Variants in RHOD observed in about 807,000 individuals in gnomAD.
RHOD encodes rho-related GTP-binding protein RhoD.
In RHOD, 11 loss-of-function variants were observed where a neutral mutation model predicts 16.7. That is an observed-to-expected ratio of 0.66 (90% CI 0.41 to 1.09). RHOD has a LOEUF of 1.09. Among genes scored for constraint, RHOD ranks in the 50% least tolerant of loss-of-function variants. The pLI is 0.00. For synonymous variants in RHOD, 124 were observed against 126.3 expected, an observed-to-expected ratio of 0.98 and a Z score of 0.12; for missense variants, 271 against 291.7, an observed-to-expected ratio of 0.93 and a Z score of 0.52.
At chr11:67,059,374 T>G (rs554425583) in intron 1 of RHOD, among the ~76,000 whole-genome samples, 2 of 152,102 alleles carry the variant, frequency 1.3e-5, no homozygotes, top group Admixed American at 1.3e-4. Context: ...ACCCCATGTC[T>G]ACCGAAAATA....
At chr11:67,060,170 G>A (rs1459296553) in intron 1 of RHOD, among the ~76,000 whole-genome samples, 3 of 152,236 alleles carry the variant, frequency 2.0e-5, no homozygotes, top group African/African-American at 4.8e-5. Flanking sequence ...AGCCCCCTGG[G>A]TCCTTCCTGG....
chr11:67,066,028 C>G, intron 2 of RHOD, 45 bp downstream of exon 2: 1 of 1,372,334 alleles, frequency 7.3e-7, no homozygotes, highest in Non-Finnish European at 1.0e-6. Context: ...CTTCTGTGGG[C>G]CCCTGATGCC....
At chr11:67,065,372 C>A (rs1052612801) in intron 1 of RHOD, among the ~76,000 whole-genome samples, 3 of 152,012 alleles carry the variant, frequency 2.0e-5, no homozygotes, top group Admixed American at 1.3e-4. Context: ...GCACACCCGG[C>A]CTTTTCGTTG....
chr11:67,066,823 C>A lies in RHOD; in HGVS notation c.306C>A (p.Asn102Lys). ...TTTGCTTCGATGTCACCAGCCCGAACAGCTTTGACAACATCTTTAACCGGG... is the reference window on the plus strand; with the variant it reads ...TTTGCTTCGATGTCACCAGCCCGAAAAGCTTTGACAACATCTTTAACCGGG... ...LLLCFDVTSP[N>K]SFDNIFNRWY... Residue 102 changes from asparagine to lysine, a missense_variant, in exon 3 of 5, where the codon AAC becomes AAA. Transcript: ENST00000308831. 1 of 1,613,274 alleles carries A rather than the reference C, an allele frequency of 6.2e-7. No individual in the cohort carries two copies. Among genetic ancestry groups the A allele is most frequent in the South Asian group, 1.1e-5 (1 of 91,062 alleles).
At chr11:67,069,951 A>G (rs950300625) in intron 3 of RHOD, among the ~76,000 whole-genome samples, 1 of 152,124 alleles carries the variant, frequency 6.6e-6, no homozygotes, top group East Asian at 1.9e-4. Flanking sequence ...TCAGGCTCCC[A>G]AAGTGCTGGG....
chr11:67,059,955 C>T (rs1854866661), intron 1 of RHOD, among the ~76,000 whole-genome samples: 1 of 152,252 alleles, frequency 6.6e-6, no homozygotes, highest in Admixed American at 6.5e-5. Context: ...CTGGCTGTGA[C>T]CCAACCCTGG....
chr11:67,061,820 ATGTGTGTGTGTG>A (rs372226128), intron 1 of RHOD, among the ~76,000 whole-genome samples: 3 of 127,068 alleles, frequency 2.4e-5, no homozygotes, highest in Non-Finnish European at 4.9e-5. Context: ...GTATATATAT[ATGTGTGTGTGTG>A]TGTGTGTGTG....
At chr11:67,067,724 G>A (rs529496252) in intron 3 of RHOD, among the ~76,000 whole-genome samples, 3 of 152,284 alleles carry the variant, frequency 2.0e-5, no homozygotes, top group East Asian at 3.9e-4. Context: ...TTCTGAATCG[G>A]TCTAGAAGGC....
intron 3 of RHOD, among the ~76,000 whole-genome samples, chr11:67,068,041 C>T (rs182969814): frequency 8.3e-4 from 127 of 152,258 alleles, no homozygotes; most frequent in African/African-American, 2.9e-3. Context: ...CCTCGTGATC[C>T]GCCCGCCTCG....
Position 67,070,432 on chromosome 11 carries a change from C to T in RHOD, c.338C>T (p.Pro113Leu). The T allele has an allele frequency of 6.2e-7, 1 of 1,613,990 alleles. No homozygotes were observed. The highest frequency in any genetic ancestry group is 8.5e-7 in the Non-Finnish European group (1 of 1,179,976). Residue 113 changes from proline (P) to leucine (L), a missense_variant, in exon 4 of 5, where the codon CCA becomes CTA. Pro to Leu is a moderately conservative substitution (Grantham distance 98). Transcript: ENST00000308831. ...CCCCTCGCCCCCCTGCAGTGGTACCCAGAAGTGAATCATTTCTGCAAGAAG... is the reference window on the plus strand; with the variant it reads ...CCCCTCGCCCCCCTGCAGTGGTACCTAGAAGTGAATCATTTCTGCAAGAAG... ...SFDNIFNRWY[P>L]EVNHFCKKVP... is the part of the protein sequence containing the mutation.
chr11:67,068,759 A>T (rs1181484910), intron 3 of RHOD, among the ~76,000 whole-genome samples: 2 of 151,614 alleles, frequency 1.3e-5, no homozygotes, highest in Non-Finnish European at 1.5e-5. Context: ...GTGAGCCAAG[A>T]TCGCACCACT....
chr11:67,067,131 G>A (rs985387256), intron 3 of RHOD, among the ~76,000 whole-genome samples: 3 of 152,248 alleles, frequency 2.0e-5, no homozygotes, highest in Admixed American at 1.3e-4. Context: ...CTCTTCCCAC[G>A]GCGGCTCTGC....
intron 3 of RHOD, among the ~76,000 whole-genome samples, chr11:67,067,396 C>T (rs1416522024): frequency 2.2e-4 from 34 of 152,164 alleles, no homozygotes; most frequent in Admixed American, 2.2e-3. Flanking sequence ...TTTGCAACAA[C>T]AACAACAACG....
In RHOD at chr11:67,070,625, A is replaced by G. The variant is rs1283688926; in HGVS notation, c.465+66A>G. 36 of 1,594,592 alleles carry G rather than the reference A, an allele frequency of 2.3e-5. No individual in the cohort carries two copies. The Admixed American group carries it at 5.9e-4, about 26-fold the overall frequency. On this transcript the variant is annotated intron_variant, in intron 4 of 4. Coordinates refer to ENST00000308831, the MANE Select transcript of RHOD (RefSeq NM_014578.4). ...GTGAGGGGACCTCTGGATGCCTCTC[A>G]GTGGCACCAGGTGTCCAGAACGCTC...
At chr11:67,071,394 A>C in intron 4 of RHOD, 41 bp from the exon 5 acceptor site, 1 of 1,535,560 alleles carries the variant, frequency 6.5e-7, no homozygotes, top group Non-Finnish European at 8.8e-7. Context: ...AGGCCTGCCC[A>C]GTGCCCCCTT....
At chr11:67,061,774 A>ATATATG (rs1555071110) in intron 1 of RHOD, among the ~76,000 whole-genome samples, 54 of 136,424 alleles carry the variant, frequency 4.0e-4, no homozygotes, top group African/African-American at 1.4e-3. Flanking sequence ...ATATATATAT[A>ATATATG]TGTGTGTGTG....
chr11:67,060,791 T>C (rs967096416), intron 1 of RHOD, among the ~76,000 whole-genome samples: 2 of 152,246 alleles, frequency 1.3e-5, no homozygotes, highest in Non-Finnish European at 2.9e-5. Context: ...GTGGTGTCAT[T>C]ACCATGGGCA....
At position 67,066,750 on chromosome 11, in the gene RHOD, A is replaced by G. The variant is rs200747179; in HGVS notation, c.233A>G (p.Tyr78Cys). ...CCACTCTGCCCAGGGCAAGATGACT[A>G]TGACCGCCTGCGGCCCCTGTTCTAC... is the stretch of plus-strand genomic sequence containing the variant. ...HIWDTAGQDDYDRLRPLFYPD... is the reference protein window; with the variant it reads ...HIWDTAGQDDCDRLRPLFYPD... The change falls in exon 3 of 5, where the codon TAT (tyrosine) becomes TGT (cysteine). Residue 78 changes from tyrosine (Y) to cysteine (C), a missense_variant. Tyr to Cys is a radical substitution (Grantham distance 194, BLOSUM62 -2). Transcript: ENST00000308831. The G allele has an allele frequency of 2.0e-4, 327 of 1,612,464 alleles. No homozygotes were observed. Among genetic ancestry groups the G allele is most frequent in the Non-Finnish European group, 2.7e-4 (314 of 1,178,624 alleles).
Position 67,066,867 on chromosome 11 carries a change from G to A in RHOD, c.330+20G>A, listed in dbSNP as rs766424124. 1.3e-6 allele frequency: 2 copies of A among 1,533,680 alleles called. No homozygotes were observed. The highest frequency in any genetic ancestry group is 2.2e-5 in the East Asian group (1 of 44,488). On this transcript the variant is annotated intron_variant, in intron 3 of 4. Transcript: ENST00000308831. The stretch of plus-strand genomic sequence containing the variant: ...AACCGGGTAGGTACTGGGGGGCAGG[G>A]AGGCATAGCCCCCATAGCCAGGCCA...
Sources: allele counts gnomAD v4.1 joint callset (sites outside exome capture counted in the v4.1 genomes callset), GRCh38; gene constraint gnomAD v4.1.1; transcripts MANE v1.5; gene names NCBI Gene and HGNC (gene_info 2026-07-23, HGNC 2026-07-21).